DNMT1: variants seen among roughly 807,000 people sequenced by gnomAD.
DNMT1 encodes DNA (cytosine-5)-methyltransferase 1.
DNMT1 carries 24 observed loss-of-function variants against 205.3 expected under a neutral mutation model. That is an observed-to-expected ratio of 0.12 (90% CI 0.08 to 0.16). DNMT1 has a LOEUF of 0.16. Among genes scored for constraint, DNMT1 ranks in the 10% least tolerant of loss-of-function variants. The pLI is 1.00. For missense variants in DNMT1, 1,293 were observed against 2,177.7 expected (o/e 0.59, Z 8.09); for synonymous variants, 817 against 839.8 (o/e 0.97, Z 0.47).
Position 10,156,756 on chromosome 19 carries a change from T to C in DNMT1, c.1281-247A>G, listed in dbSNP as rs2038464984. ...CCTCAGCCTCCCGAGTAGCTGGGAT[T>C]ACAGGCCTGAACCACCATGCCCGGC... On this transcript the variant is annotated intron_variant, in intron 17 of 40. Coordinates refer to ENST00000359526, the MANE Select transcript of DNMT1 (RefSeq NM_001130823.3). The surrounding 1 kb of genome is among the most constrained non-coding windows in gnomAD (Gnocchi z 4.2). Among the ~76,000 whole-genome samples the C allele has an allele frequency of 6.6e-6, 1 of 152,166 alleles. No homozygotes were observed. The highest frequency in any genetic ancestry group is 2.4e-5 in the African/African-American group (1 of 41,440).
Position 10,142,140 on chromosome 19 carries a change from A to T in DNMT1, c.3197T>A (p.Val1066Glu). ...NLLYWSDEEA[V>E]VDFKAVQGRC... ...GCCCTGCACAGCCTTGAAGTCCACC[A>T]CGGCCTCCTCGTCGCTCCAGTAGAG... The change falls in exon 30 of 41, where the codon GTG becomes GAG. Residue 1066 changes from valine to glutamate, a missense_variant. By Grantham distance (121) the Val-to-Glu change is moderately radical. Transcript: ENST00000359526. 6.2e-7 allele frequency: 1 copy of T among 1,613,934 alleles called. No homozygotes were observed. Among genetic ancestry groups the T allele is most frequent in the African/African-American group, 1.3e-5 (1 of 75,002 alleles).
At chr19:10,190,689 C>T (rs770553503) in intron 1 of DNMT1, among the ~76,000 whole-genome samples, 4 of 151,564 alleles carry the variant, frequency 2.6e-5, no homozygotes, top group Non-Finnish European at 5.9e-5. Context: ...CACTTGAACC[C>T]GGGAGGGGGA....
chr19:10,150,329 G>A (rs1484550641), intron 24 of DNMT1, among the ~76,000 whole-genome samples: 2 of 152,180 alleles, frequency 1.3e-5, no homozygotes, highest in Non-Finnish European at 2.9e-5. Context: ...CCTGGCTCAA[G>A]CCACTCCAGC....
chr19:10,159,043 G>A lies in DNMT1; in HGVS notation c.1280+615C>T, dbSNP rs894515834. Among the ~76,000 whole-genome samples, 10 of 152,312 alleles carry A rather than the reference G, an allele frequency of 6.6e-5. No individual in the cohort carries two copies. The highest frequency in any genetic ancestry group is 2.4e-4 in the African/African-American group (10 of 41,574). On this transcript the variant is annotated intron_variant, in intron 17 of 40. Transcript: ENST00000359526. This position sits in a 1 kb window ranked among gnomAD's most constrained non-coding sequence, Gnocchi z 5.0. ...ACCCATTTCTGGCTCCGTGAAGGCAGGACCTGAGCAGCTACATCCACGACA... is the reference window on the plus strand; with the variant it reads ...ACCCATTTCTGGCTCCGTGAAGGCAAGACCTGAGCAGCTACATCCACGACA...
At chr19:10,150,036 T>C (rs2038305941) in intron 24 of DNMT1, 68 bp from the exon 25 acceptor site, 2 of 1,351,760 alleles carry the variant, frequency 1.5e-6, no homozygotes, top group African/African-American at 1.4e-5. Context: ...ACTTGCATGG[T>C]CCTCTGTTAC....
intron 30 of DNMT1, 24 bp from the exon 31 acceptor site, chr19:10,141,213 G>A (rs761800492): frequency 1.3e-5 from 21 of 1,611,390 alleles, no homozygotes; most frequent in Middle Eastern, 3.3e-4. Flanking sequence ...AACTGCAATC[G>A]TTTGGGAGAG....
At position 10,159,008 on chromosome 19, in the gene DNMT1, G is replaced by A. The variant is rs1047330657; in HGVS notation, c.1280+650C>T. Among the ~76,000 whole-genome samples the A allele has an allele frequency of 1.3e-5, 2 of 152,028 alleles. No homozygotes were observed. Among genetic ancestry groups the A allele is most frequent in the Admixed American group, 6.6e-5 (1 of 15,246 alleles). On this transcript the variant is annotated intron_variant, in intron 17 of 40. Transcript: ENST00000359526. The surrounding 1 kb of genome is among the most constrained non-coding windows in gnomAD (Gnocchi z 5.0). Reference sequence around the variant, plus strand: ...AAATCTGTCGTGGCTGTCACTACCCGACAGGTATCACCCATTTCTGGCTCC... The same window carrying A: ...AAATCTGTCGTGGCTGTCACTACCCAACAGGTATCACCCATTTCTGGCTCC...
chr19:10,155,179 G>A (rs1246647140), intron 19 of DNMT1, 123 bp from the exon 20 acceptor site: 4 of 1,321,020 alleles, frequency 3.0e-6, no homozygotes, highest in East Asian at 4.6e-5. Context: ...GTACCCAAAT[G>A]TCAGAAACAT....
In DNMT1 at chr19:10,156,177, ATATATAAG is replaced by A. The variant is rs1478453556; in HGVS notation, c.1399+206_1399+213del. 6.6e-6 allele frequency among the ~76,000 whole-genome samples: 1 copy of A among 150,600 alleles called. No homozygotes were observed. Among genetic ancestry groups the A allele is most frequent in the Non-Finnish European group, 1.5e-5 (1 of 67,788 alleles). ...ATAAGTATGTTTTTTATTTATACAT[ATATATAAG>A]TATATATGTATACTATATATATATG... On this transcript the variant is annotated intron_variant, in intron 18 of 40. Transcript: ENST00000359526. This position sits in a 1 kb window ranked among gnomAD's most constrained non-coding sequence, Gnocchi z 4.2.
Position 10,137,799 on chromosome 19 carries a change from C to G in DNMT1, c.4293+33G>C, listed in dbSNP as rs181952514. ...CCCACGAGGCTGCTGGGCTGGGCCT[C>G]GAGGAGGAGCCGCTCTGTCAGGGTG... is the stretch of plus-strand genomic sequence containing the variant. On this transcript the variant is annotated intron_variant, in intron 36 of 40. Transcript: ENST00000359526. This position sits in a 1 kb window ranked among gnomAD's most constrained non-coding sequence, Gnocchi z 6.4. 1 of 1,604,412 alleles carries G rather than the reference C, an allele frequency of 6.2e-7. No homozygotes were observed. The highest frequency in any genetic ancestry group is 8.5e-7 in the Non-Finnish European group (1 of 1,176,452).
At chr19:10,174,536 T>C (rs549334089) in intron 7 of DNMT1, among the ~76,000 whole-genome samples, 78 of 151,854 alleles carry the variant, frequency 5.1e-4, no homozygotes, top group Admixed American at 3.9e-3. Flanking sequence ...TGAAATCCCA[T>C]CTCTACTAAA....
chr19:10,181,163 C>T (rs1783975402), intron 2 of DNMT1, among the ~76,000 whole-genome samples: 1 of 152,116 alleles, frequency 6.6e-6, no homozygotes. Context: ...TGTAAAGTGT[C>T]GGCCAGGCAC....
intron 39 of DNMT1, 42 bp downstream of exon 39, chr19:10,135,694 G>A (rs966786527): frequency 6.3e-7 from 1 of 1,585,812 alleles, no homozygotes; most frequent in Non-Finnish European, 8.6e-7. Flanking sequence ...AGGCACAGAA[G>A]CCTCCTTCCT....
intron 1 of DNMT1, among the ~76,000 whole-genome samples, chr19:10,185,918 C>T (rs997847146): frequency 6.6e-6 from 1 of 151,502 alleles, no homozygotes; most frequent in African/African-American, 2.4e-5. Flanking sequence ...AGGCAAAAGT[C>T]ATTCTACCCT....
intron 22 of DNMT1, among the ~76,000 whole-genome samples, chr19:10,152,289 T>C (rs1178964916): frequency 1.9e-5 from 2 of 106,902 alleles, no homozygotes; most frequent in African/African-American, 7.6e-5. Flanking sequence ...AAAAAAAAAG[T>C]GAGTCACACA....
chr19:10,157,985 T>C (rs905558744), intron 17 of DNMT1, among the ~76,000 whole-genome samples: 2 of 152,200 alleles, frequency 1.3e-5, no homozygotes, highest in African/African-American at 4.8e-5. Context: ...TACAGCAGTA[T>C]GGAGAGCCCC....
Position 10,142,190 on chromosome 19 carries a change from C to T in DNMT1, c.3147G>A (p.Ala1049=), listed in dbSNP as rs750931983. The change falls in exon 30 of 41, where the codon GCG becomes GCA. Residue 1049 remains alanine (A), a synonymous_variant. Transcript: ENST00000359526. ...RPENTHKSTP[A]SYHADINLLY... The stretch of plus-strand genomic sequence containing the variant: ...GCAGGTTGATGTCTGCGTGGTAGCT[C>T]GCTGGAGTGGACTTGTGGGTGTTCT... The T allele has an allele frequency of 7.4e-6, 12 of 1,614,020 alleles. No individual in the cohort carries two copies. Among genetic ancestry groups the T allele is most frequent in the South Asian group, 1.1e-5 (1 of 91,088 alleles).
intron 22 of DNMT1, among the ~76,000 whole-genome samples, chr19:10,153,811 A>G (rs928945274): frequency 6.6e-6 from 1 of 152,188 alleles, no homozygotes. Context: ...TTTATCCAAA[A>G]GAAAGTCAGG....
In DNMT1 at chr19:10,137,255, C is replaced by T. The variant is rs1183358759; in HGVS notation, c.4319G>A (p.Arg1440His). The change falls in exon 37 of 41, where the codon CGC (arginine) becomes CAC (histidine). Residue 1440 changes from arginine (R) to histidine (H), a missense_variant. Arg to His is a conservative substitution (Grantham distance 29). Around this residue, in one of 13 missense-constraint regions of DNMT1, gnomAD observed 148 missense variants for 256.1 expected, o/e 0.58. Coordinates refer to ENST00000359526, the MANE Select transcript of DNMT1 (RefSeq NM_001130823.3). This position sits in a 1 kb window ranked among gnomAD's most constrained non-coding sequence, Gnocchi z 6.4. ...TGGGGCCAAGGGGATGTGCCGCATG[C>T]GGGCAGCCACCAATGCACTCATGTC... ...CKDMSALVAA[R>H]MRHIPLAPGS... 1 of 1,609,112 alleles carries T rather than the reference C, an allele frequency of 6.2e-7. No homozygotes were observed.
Sources: allele counts gnomAD v4.1 joint callset (sites outside exome capture counted in the v4.1 genomes callset), GRCh38; gene constraint gnomAD v4.1.1; regional missense constraint gnomAD v4.1.1; non-coding constraint Gnocchi (gnomAD v3.1); transcripts MANE v1.5; gene names NCBI Gene and HGNC (gene_info 2026-07-23, HGNC 2026-07-21).